The following CD1B variants were observed in gnomAD, a reference collection of about 807,000 sequenced individuals.
CD1B encodes the protein T-cell surface glycoprotein CD1b.
In CD1B, 43 loss-of-function variants were observed where a neutral mutation model predicts 39.8. The ratio of observed to expected loss-of-function variants is 1.08; its 90% CI spans 0.85 to 1.39. CD1B has a LOEUF of 1.39. Ranked by LOEUF, CD1B falls within the 40% of genes most tolerant of loss-of-function variation. The probability of loss-of-function intolerance (pLI) is 0.00; values close to 1 mark genes in which losing one functional copy is unlikely to be tolerated. For missense variants in CD1B, 495 were observed against 403.8 expected, an observed-to-expected ratio of 1.23 and a Z score of -1.94; for synonymous variants, 192 against 152.5, an observed-to-expected ratio of 1.26 and a Z score of -1.91.
rs202144459 is a variant in CD1B at position 158,328,258 on chromosome 1, C to T, written c.981-1G>A. 5.6e-6 allele frequency: 9 copies of T among 1,610,712 alleles called. No individual in the cohort carries two copies. The highest frequency in any genetic ancestry group is 4.2e-6 in the Non-Finnish European group (5 of 1,177,530). ...GGCTCATGGGATATTCTGATATGAC[C>T]TGTTAAAAACAGAAGAACAAAAGAG... On this transcript the variant is annotated splice_acceptor_variant, in intron 5 of 5. Coordinates refer to ENST00000368168, the MANE Select transcript of CD1B (RefSeq NM_001764.3). LOFTEE classifies it high-confidence loss of function.
At chr1:158,296,071 G>A in the CD1B span, among the ~76,000 whole-genome samples, 1 of 152,202 alleles carries the variant, frequency 6.6e-6, no homozygotes, top group African/African-American at 2.4e-5. Context: ...CAGCATGTGA[G>A]TGAGTGTGGA....
the CD1B span, among the ~76,000 whole-genome samples, chr1:158,314,137 T>C: frequency 6.6e-6 from 1 of 152,168 alleles, no homozygotes; most frequent in African/African-American, 2.4e-5. Flanking sequence ...CAGGCTGGAG[T>C]GCAGTGGCAC....
the CD1B span, among the ~76,000 whole-genome samples, chr1:158,320,306 C>G: frequency 6.6e-6 from 1 of 152,198 alleles, no homozygotes; most frequent in Non-Finnish European, 1.5e-5. Flanking sequence ...TAGCAATCAG[C>G]TAGACTCTGT....
the CD1B span, among the ~76,000 whole-genome samples, chr1:158,298,853 G>A: frequency 7.4e-4 from 112 of 152,252 alleles, 4 homozygotes; most frequent in South Asian, 0.023. Context: ...TGCGATTTTT[G>A]CACGTTGATT....
the CD1B span, chr1:158,290,985 C>A: frequency 2.5e-6 from 2 of 797,022 alleles, no homozygotes; most frequent in Non-Finnish European, 3.9e-6. Flanking sequence ...GGTGGCAGAG[C>A]ATGGGGCTCT....
At chr1:158,320,670 T>A in the CD1B span, among the ~76,000 whole-genome samples, 1 of 152,144 alleles carries the variant, frequency 6.6e-6, no homozygotes, top group Non-Finnish European at 1.5e-5. Flanking sequence ...TATTTGGCCA[T>A]CTTGGCTCCT....
the CD1B span, among the ~76,000 whole-genome samples, chr1:158,301,783 G>T: frequency 2.6e-5 from 4 of 152,050 alleles, no homozygotes; most frequent in East Asian, 7.7e-4. Flanking sequence ...TCTTCTCATG[G>T]AGTATCTTTG....
At chr1:158,329,158 G>T (rs1652477776) in intron 4 of CD1B, 144 bp from the exon 5 acceptor site, 3 of 918,120 alleles carry the variant, frequency 3.3e-6, no homozygotes, top group Admixed American at 2.7e-5. Flanking sequence ...TCCATCCTTT[G>T]ATCCCCTCTA....
At chr1:158,290,380 C>A in the CD1B span, among the ~76,000 whole-genome samples, 1 of 152,118 alleles carries the variant, frequency 6.6e-6, no homozygotes, top group African/African-American at 2.4e-5. Flanking sequence ...TCCGTTAAAA[C>A]AATCAGGGCC....
chr1:158,316,322 T>A, the CD1B span, among the ~76,000 whole-genome samples: 1 of 152,018 alleles, frequency 6.6e-6, no homozygotes, highest in Non-Finnish European at 1.5e-5. Context: ...TTTTATCCTC[T>A]TTTATTTCAT....
chr1:158,289,884 A>C, the CD1B span: 1 of 566,694 alleles, frequency 1.8e-6, no homozygotes, highest in Non-Finnish European at 3.2e-6. Flanking sequence ...CAGGTGGGGA[A>C]ATGAGAGATT....
chr1:158,304,197 A>G, the CD1B span, among the ~76,000 whole-genome samples: 1 of 152,118 alleles, frequency 6.6e-6, no homozygotes, highest in Non-Finnish European at 1.5e-5. Context: ...CTAATCAAAG[A>G]AAGGGGTGAC....
chr1:158,330,798 T>G lies in CD1B; in HGVS notation c.326A>C (p.Lys109Thr), dbSNP rs773531421. Residue 109 changes from lysine (K) to threonine (T), a missense_variant and splice_region_variant, in exon 2 of 6, where the codon AAA becomes ACA. Coordinates refer to ENST00000368168, the MANE Select transcript of CD1B (RefSeq NM_001764.3). ...VQDFAGDFQM[K>T]YPFEIQGIAG... ...CCAGTTCGGTGGACTAGACTCACATTTCATCTGGAAATCACCGGCAAAGTC... is the reference window on the plus strand; with the variant it reads ...CCAGTTCGGTGGACTAGACTCACATGTCATCTGGAAATCACCGGCAAAGTC... 1.9e-6 allele frequency: 3 copies of G among 1,614,000 alleles called. No individual in the cohort carries two copies. Among genetic ancestry groups the G allele is most frequent in the Non-Finnish European group, 2.5e-6 (3 of 1,180,004 alleles).
chr1:158,307,247 A>G, the CD1B span, among the ~76,000 whole-genome samples: 2 of 152,208 alleles, frequency 1.3e-5, no homozygotes, highest in Admixed American at 6.5e-5. Flanking sequence ...GATAAAGGGG[A>G]TATCACCACT....
the CD1B span, among the ~76,000 whole-genome samples, chr1:158,301,283 C>T: frequency 6.6e-6 from 1 of 152,042 alleles, no homozygotes; most frequent in African/African-American, 2.4e-5. Flanking sequence ...ATATTTAGCT[C>T]ATTTATATTT....
the CD1B span, chr1:158,290,234 C>A: frequency 1.0e-6 from 1 of 963,438 alleles, no homozygotes; most frequent in African/African-American, 1.6e-5. Flanking sequence ...TCTGAGCATA[C>A]CTGTCTCCAG....
At chr1:158,292,327 G>A in the CD1B span, 1 of 1,614,124 alleles carries the variant, frequency 6.2e-7, no homozygotes, top group South Asian at 1.1e-5. Flanking sequence ...TTTCTCTTGG[G>A]TCTCCTGGAT....
the CD1B span, among the ~76,000 whole-genome samples, chr1:158,300,932 G>T: frequency 6.6e-6 from 1 of 151,366 alleles, no homozygotes; most frequent in South Asian, 2.1e-4. Flanking sequence ...CTAATTTTTT[G>T]TATTTTTAAT....
intron 4 of CD1B, 79 bp downstream of exon 4, chr1:158,329,291 C>G (rs953970097): frequency 6.1e-5 from 93 of 1,517,838 alleles, no homozygotes; most frequent in Admixed American, 1.1e-4. Context: ...CTCTCAAGCT[C>G]TATCCTTCCC....
Sources: gnomAD v4.1 joint callset for allele counts (sites outside exome capture counted in the v4.1 genomes callset) on GRCh38, gnomAD v4.1.1 for gene constraint, MANE v1.5 for transcripts, NCBI Gene and HGNC (gene_info 2026-07-23, HGNC 2026-07-21) for gene names.